Variants in PPFIA1 observed in about 807,000 individuals in gnomAD.
The protein encoded by PPFIA1 is liprin-alpha-1.
PPFIA1 carries 25 observed loss-of-function variants against 149.9 expected under a neutral mutation model. The ratio of observed to expected loss-of-function variants is 0.17; its 90% CI spans 0.12 to 0.23. The LOEUF is 0.23. Among genes scored for constraint, PPFIA1 ranks in the 10% least tolerant of loss-of-function variants. The probability of loss-of-function intolerance (pLI) is 1.00; values close to 1 mark genes in which losing one functional copy is unlikely to be tolerated. For missense variants in PPFIA1, 1,362 were observed against 1,506.5 expected (o/e 0.90, Z 1.59); for synonymous variants, 549 against 552.8 (o/e 0.99, Z 0.10).
intron 26 of PPFIA1, among the ~76,000 whole-genome samples, chr11:70,379,970 C>T (rs1189703709): frequency 1.3e-5 from 2 of 152,214 alleles, no homozygotes; most frequent in African/African-American, 4.8e-5. Flanking sequence ...GTGACTTGGC[C>T]TTCAGCTCAA....
At chr11:70,348,791 A>G (rs1036991793) in intron 16 of PPFIA1, among the ~76,000 whole-genome samples, 1 of 152,120 alleles carries the variant, frequency 6.6e-6, no homozygotes, top group Non-Finnish European at 1.5e-5. Flanking sequence ...GGATCACCTG[A>G]GCCCAGGAGG....
intron 2 of PPFIA1, among the ~76,000 whole-genome samples, chr11:70,309,627 TTTGCCTAAAAAAAAAA>T (rs1370918031): frequency 1.3e-5 from 2 of 151,608 alleles, no homozygotes; most frequent in East Asian, 3.9e-4. Context: ...AAATCCCAGT[TTTGCCTAAAAAAAAAA>T]AAGTTTTCCA....
chr11:70,297,135 C>T (rs1023555770), intron 2 of PPFIA1, among the ~76,000 whole-genome samples: 7 of 152,090 alleles, frequency 4.6e-5, no homozygotes, highest in Admixed American at 6.6e-5. Context: ...AGGCCGGGCA[C>T]GGTGGCTCAC....
chr11:70,329,454 TA>T (rs1418286058), intron 7 of PPFIA1, among the ~76,000 whole-genome samples: 48 of 152,264 alleles, frequency 3.2e-4, no homozygotes, highest in African/African-American at 1.2e-3. Flanking sequence ...ATTATTTATT[TA>T]TTTATTTTTG....
At chr11:70,347,448 C>T (rs2055777745) in intron 15 of PPFIA1, among the ~76,000 whole-genome samples, 1 of 152,196 alleles carries the variant, frequency 6.6e-6, no homozygotes, top group Admixed American at 6.5e-5. Context: ...CCAGTAATCC[C>T]ACCACTTTGG....
rs372742529 is a variant in PPFIA1, at chr11:70,333,449, G to A, written c.1213-21G>A. ...AATGAAGTGTAAGGATGACGTCAGCGTACGCTGTTTCTGCTGACAGGCTGA... is the reference window on the plus strand; with the variant it reads ...AATGAAGTGTAAGGATGACGTCAGCATACGCTGTTTCTGCTGACAGGCTGA... On this transcript the variant is annotated intron_variant, in intron 9 of 27. Coordinates refer to ENST00000253925, the MANE Select transcript of PPFIA1 (RefSeq NM_003626.5). 595 of 1,587,706 alleles carry A rather than the reference G, an allele frequency of 3.7e-4. 5 individuals are homozygous for A. The South Asian group carries it at 4.5e-3, about 12-fold the overall frequency.
At chr11:70,332,143 G>A in intron 9 of PPFIA1, 49 bp downstream of exon 9, 1 of 1,525,200 alleles carries the variant, frequency 6.6e-7, no homozygotes, top group African/African-American at 1.4e-5. Context: ...CTGTGACTGT[G>A]CCTTGCCTGT....
chr11:70,336,328 G>A (rs1401121513), intron 11 of PPFIA1, among the ~76,000 whole-genome samples: 2 of 151,988 alleles, frequency 1.3e-5, no homozygotes, highest in Admixed American at 1.3e-4. Flanking sequence ...ATGGCCAAAC[G>A]CCATCTCTAC....
At chr11:70,375,227 T>TTG in intron 24 of PPFIA1, 134 bp downstream of exon 24, 1 of 257,628 alleles carries the variant, frequency 3.9e-6, no homozygotes, top group Non-Finnish European at 6.5e-6. Flanking sequence ...TTTTTGGTTT[T>TTG]TTTTTTTTTT....
Position 70,354,114 on chromosome 11 carries a change from A to T in PPFIA1, c.2164-187A>T. On this transcript the variant is annotated intron_variant, in intron 16 of 27. Transcript: ENST00000253925. ...GCGCACGCTCGTGGGGAGGCAGACCAGGAGTCTGACAACTCTGTGGTGCTG... is the reference window on the plus strand; with the variant it reads ...GCGCACGCTCGTGGGGAGGCAGACCTGGAGTCTGACAACTCTGTGGTGCTG... The T allele has an allele frequency of 6.9e-6, 4 of 582,350 alleles. No homozygotes were observed. The South Asian group carries it at 9.5e-5, about 14-fold the overall frequency. The allele number at this position is 582,350 out of a possible 1,614,324, so 36.1% of individuals were successfully genotyped here.
intron 2 of PPFIA1, among the ~76,000 whole-genome samples, chr11:70,302,866 C>G (rs922799912): frequency 5.3e-5 from 8 of 151,682 alleles, no homozygotes; most frequent in Admixed American, 3.9e-4. Context: ...GCCTCGGTGT[C>G]CCAAGTAGCT....
At chr11:70,373,455 T>C (rs1223537332) in intron 23 of PPFIA1, 1 of 152,098 alleles carries the variant, frequency 6.6e-6, no homozygotes, top group African/African-American at 2.4e-5. Flanking sequence ...TCTCGAACTT[T>C]TGGGCTCAGG....
intron 15 of PPFIA1, among the ~76,000 whole-genome samples, chr11:70,347,371 G>A (rs185141065): frequency 4.4e-4 from 67 of 152,266 alleles, no homozygotes; most frequent in African/African-American, 1.5e-3. Context: ...CTCAATGGAA[G>A]GTTTACTTTT....
intron 19 of PPFIA1, among the ~76,000 whole-genome samples, chr11:70,359,573 A>C (rs2056532005): frequency 6.6e-6 from 1 of 152,198 alleles, no homozygotes; most frequent in African/African-American, 2.4e-5. Flanking sequence ...CAGAGGATTG[A>C]AAAGCTTCAG....
intron 17 of PPFIA1, among the ~76,000 whole-genome samples, 177 bp from the exon 18 acceptor site, chr11:70,355,462 C>T (rs990345201): frequency 1.3e-5 from 2 of 152,116 alleles, no homozygotes; most frequent in African/African-American, 4.8e-5. Context: ...TCTCAGCTGC[C>T]CAGAATGGGT....
rs115002506 is a variant in PPFIA1, at chr11:70,312,452, A to G, written c.265-11950A>G. On this transcript the variant is annotated intron_variant, in intron 2 of 27. Coordinates refer to ENST00000253925, the MANE Select transcript of PPFIA1 (RefSeq NM_003626.5). ...ATGATCCTCCCACCCGAGCCCCCCA[A>G]AGTGCTGGGATTACAGGCAGGAGCC... is the stretch of plus-strand genomic sequence containing the variant. 1.6e-3 allele frequency among the ~76,000 whole-genome samples: 247 copies of G among 152,208 alleles called. 1 individual carries two copies. Among genetic ancestry groups the G allele is most frequent in the African/African-American group, 5.7e-3 (237 of 41,540 alleles).
At chr11:70,363,601 C>T (rs1005535915) in intron 21 of PPFIA1, among the ~76,000 whole-genome samples, 9 of 152,134 alleles carry the variant, frequency 5.9e-5, no homozygotes, top group African/African-American at 9.7e-5. Context: ...GCAGCCTCAA[C>T]CTCTTGGGCT....
intron 2 of PPFIA1, among the ~76,000 whole-genome samples, chr11:70,286,856 A>T (rs2051168425): frequency 6.8e-6 from 1 of 147,108 alleles, no homozygotes; most frequent in Non-Finnish European, 1.5e-5. Flanking sequence ...TCAGCCTTCT[A>T]AGAAGCTGGG....
rs1337423348 is a variant in PPFIA1 at position 70,282,832 on chromosome 11, G to GC, written c.264+10397dup. 7.3e-3 allele frequency among the ~76,000 whole-genome samples: 683 copies of GC among 93,780 alleles called. 7 individuals are homozygous for GC. The highest frequency in any genetic ancestry group is 0.026 in the African/African-American group (621 of 23,838). The allele number at this position is 93,780 out of a possible 152,430, so 61.5% of individuals were successfully genotyped here. On this transcript the variant is annotated intron_variant, in intron 2 of 27. Transcript: ENST00000253925. ...TTACAGGCGTGAGCCACCGTGCCTG[G>GC]CTTTTTTTTTTTTTTTTTTTTTTTA...
Sources: gnomAD v4.1 joint callset for allele counts (sites outside exome capture counted in the v4.1 genomes callset) on GRCh38, gnomAD v4.1.1 for gene constraint, MANE v1.5 for transcripts, NCBI Gene and HGNC (gene_info 2026-07-23, HGNC 2026-07-21) for gene names.